The following RRN3 variants were observed in gnomAD, a reference collection of about 807,000 sequenced individuals.
The protein encoded by RRN3 is RNA polymerase I-specific transcription initiation factor RRN3.
Under a neutral mutation model 82.3 loss-of-function variants are expected in RRN3, and 38 were observed. The ratio of observed to expected loss-of-function variants is 0.46; its 90% CI spans 0.36 to 0.61. The LOEUF is 0.61. Among genes scored for constraint, RRN3 ranks in the 20% least tolerant of loss-of-function variants. The pLI is 0.00. For synonymous variants in RRN3, 284 were observed against 284.3 expected (o/e 1.00, Z 0.01); for missense variants, 726 against 793.1 (o/e 0.92, Z 1.02).
At chr16:15,085,549 C>T in intron 6 of RRN3, 90 bp downstream of exon 6, 1 of 1,561,142 alleles carries the variant, frequency 6.4e-7, no homozygotes, top group Non-Finnish European at 8.7e-7. Flanking sequence ...AACTCTTGGC[C>T]TCAAGTGATC....
chr16:15,083,196 C>G (rs143705519), intron 8 of RRN3, among the ~76,000 whole-genome samples: 30 of 152,194 alleles, frequency 2.0e-4, no homozygotes, highest in African/African-American at 6.5e-4. Context: ...GTCAGGCGTT[C>G]GATACCAGTG....
intron 15 of RRN3, among the ~76,000 whole-genome samples, chr16:15,065,867 G>C (rs2044947924): frequency 6.6e-6 from 1 of 152,230 alleles, no homozygotes; most frequent in Non-Finnish European, 1.5e-5. Flanking sequence ...CTGAAGGAGG[G>C]ACACGGGGTT....
At chr16:15,088,267 G>C (rs1156724076) in intron 3 of RRN3, among the ~76,000 whole-genome samples, 3 of 152,174 alleles carry the variant, frequency 2.0e-5, no homozygotes, top group African/African-American at 2.4e-5. Flanking sequence ...CTTGAGCCCA[G>C]GAATTTGAGA....
chr16:15,074,180 G>A (rs1420826828), intron 11 of RRN3, among the ~76,000 whole-genome samples: 3 of 152,100 alleles, frequency 2.0e-5, no homozygotes, highest in Non-Finnish European at 2.9e-5. Context: ...CAGCAAGACC[G>A]TTAAAACAGT....
At chr16:15,083,913 T>C (rs1416173282) in intron 7 of RRN3, among the ~76,000 whole-genome samples, 2 of 152,098 alleles carry the variant, frequency 1.3e-5, no homozygotes, top group African/African-American at 4.8e-5. Context: ...ACGGGGTTTC[T>C]CCATGTTGGT....
intron 7 of RRN3, among the ~76,000 whole-genome samples, chr16:15,083,996 G>A (rs1423242448): frequency 1.3e-5 from 2 of 152,200 alleles, no homozygotes; most frequent in Non-Finnish European, 2.9e-5. Context: ...GATTACAGGC[G>A]TGAGCCACCG....
At position 15,065,267 on chromosome 16, in the gene RRN3, G is replaced by C; in HGVS notation, c.1658C>G (p.Thr553Arg). The C allele has an allele frequency of 1.2e-6, 2 of 1,613,834 alleles. No homozygotes were observed. The highest frequency in any genetic ancestry group is 1.1e-5 in the South Asian group (1 of 91,070). ...GGGGAAGAAGGTGTCCAGCGGGTTTGTGCAGATCTGCACTGAGTCTCCTCC... is the reference window on the plus strand; with the variant it reads ...GGGGAAGAAGGTGTCCAGCGGGTTTCTGCAGATCTGCACTGAGTCTCCTCC... The part of the protein sequence containing the change: ...TAGGDSVQIC[T>R]NPLDTFFPFD... Residue 553 changes from threonine to arginine, a missense_variant, in exon 16 of 18, where the codon ACA becomes AGA. By Grantham distance (71) the Thr-to-Arg change is moderately conservative. Transcript: ENST00000198767.
chr16:15,060,259 C>T lies in RRN3; in HGVS notation c.*1485G>A. On this transcript the variant is annotated 3_prime_UTR_variant, in exon 18 of 18. Coordinates refer to ENST00000198767, the MANE Select transcript of RRN3 (RefSeq NM_018427.5). ...GTTTTATCTAATATTAAAAAATCAACATTTTGCCAGCAGTTAAAAAGACAA... is the reference window on the plus strand; with the variant it reads ...GTTTTATCTAATATTAAAAAATCAATATTTTGCCAGCAGTTAAAAAGACAA... 3.1e-6 allele frequency: 1 copy of T among 325,946 alleles called. No homozygotes were observed. Among genetic ancestry groups the T allele is most frequent in the South Asian group, 2.5e-5 (1 of 40,280 alleles). The allele number at this position is 325,946 out of a possible 1,614,324, so 20.2% of individuals were successfully genotyped here.
chr16:15,092,470 C>T (rs1025810106), intron 2 of RRN3, 39 bp downstream of exon 2: 15 of 1,336,044 alleles, frequency 1.1e-5, no homozygotes, highest in African/African-American at 1.4e-5. Context: ...TGTATTCTGA[C>T]CTAACCAAAA....
chr16:15,070,369 TTAAA>T, intron 13 of RRN3, 115 bp from the exon 14 acceptor site: 1 of 698,468 alleles, frequency 1.4e-6, no homozygotes, highest in Non-Finnish European at 2.4e-6. Context: ...ATAGGTTTCT[TTAAA>T]TAATACCCAT....
intron 2 of RRN3, among the ~76,000 whole-genome samples, chr16:15,091,972 T>C (rs1475508903): frequency 6.6e-6 from 1 of 151,972 alleles, no homozygotes; most frequent in African/African-American, 2.4e-5. Flanking sequence ...AGGTCAGGAG[T>C]TCGAGACCAG....
At chr16:15,067,020 C>G (rs972169028) in intron 15 of RRN3, among the ~76,000 whole-genome samples, 1 of 148,984 alleles carries the variant, frequency 6.7e-6, no homozygotes, top group Admixed American at 6.8e-5. Flanking sequence ...CATCCTCACT[C>G]TTTGAGCTGC....
Position 15,061,705 on chromosome 16 carries a change from G to T in RRN3, c.*39C>A. The T allele has an allele frequency of 1.3e-6, 2 of 1,584,006 alleles. No homozygotes were observed. Among genetic ancestry groups the T allele is most frequent in the Non-Finnish European group, 1.7e-6 (2 of 1,156,212 alleles). On this transcript the variant is annotated 3_prime_UTR_variant, in exon 18 of 18. Transcript: ENST00000198767. The stretch of plus-strand genomic sequence containing the variant: ...TGCTGAGGGCATGACAAGTGATGGG[G>T]AATCCCAAATGTCACATCTCAGTCA...
chr16:15,091,547 C>T (rs1398425634), intron 2 of RRN3, among the ~76,000 whole-genome samples, 176 bp from the exon 3 acceptor site: 1 of 151,514 alleles, frequency 6.6e-6, no homozygotes, highest in Non-Finnish European at 1.5e-5. Context: ...CATGTTAGTG[C>T]AGCCAGAGGG....
At position 15,065,329 on chromosome 16, in the gene RRN3, G is replaced by C; in HGVS notation, c.1596C>G (p.Asn532Lys). 2.5e-6 allele frequency: 4 copies of C among 1,613,744 alleles called. No homozygotes were observed. Among genetic ancestry groups the C allele is most frequent in the Non-Finnish European group, 3.4e-6 (4 of 1,179,732 alleles). ...TAATGACTGGCAGCATCTGGCGATT[G>C]TTCCTCTCAATGATGGTGTAGCAGA... Reference protein sequence around the residue: ...LVFCYTIIERNNRQMLPVIRS... With the variant: ...LVFCYTIIERKNRQMLPVIRS... The change falls in exon 16 of 18, where the codon AAC becomes AAG. Residue 532 changes from asparagine to lysine, a missense_variant. By Grantham distance (94) the Asn-to-Lys change is moderately conservative. This residue lies in a region of RRN3 where 166 missense variants were observed against 154.8 expected (regional missense o/e 1.07). Coordinates refer to ENST00000198767, the MANE Select transcript of RRN3 (RefSeq NM_018427.5).
chr16:15,088,708 A>C (rs1240876429), intron 3 of RRN3, among the ~76,000 whole-genome samples: 1 of 152,122 alleles, frequency 6.6e-6, no homozygotes, highest in Non-Finnish European at 1.5e-5. Context: ...TTACAGAAGG[A>C]AAAGTATGTT....
At position 15,074,833 on chromosome 16, in the gene RRN3, G is replaced by T. The variant is rs1196611169; in HGVS notation, c.887C>A (p.Thr296Lys). The T allele has an allele frequency of 6.2e-7, 1 of 1,612,134 alleles. No homozygotes were observed. Among genetic ancestry groups the T allele is most frequent in the Admixed American group, 1.7e-5 (1 of 59,598 alleles). ...GTCGAGCCGTTCAGGACCAGCCTTT[G>T]TTTCATGTTCAGTTTCTTCATCTTC... is the stretch of plus-strand genomic sequence containing the variant. The part of the protein sequence containing the change: ...MDEDEETEHE[T>K]KAGPERLDQM... The change falls in exon 11 of 18, where the codon ACA becomes AAA. Residue 296 changes from threonine to lysine, a missense_variant. Thr to Lys is a moderately conservative substitution (Grantham distance 78, BLOSUM62 -1). Coordinates refer to ENST00000198767, the MANE Select transcript of RRN3 (RefSeq NM_018427.5).
At chr16:15,071,808 G>A (rs2045243573) in intron 12 of RRN3, among the ~76,000 whole-genome samples, 1 of 151,990 alleles carries the variant, frequency 6.6e-6, no homozygotes, top group Admixed American at 6.6e-5. Flanking sequence ...ATTCAACCTG[G>A]GAGGTACAAA....
At chr16:15,065,018 T>C (rs1187000982) in intron 16 of RRN3, among the ~76,000 whole-genome samples, 2 of 151,912 alleles carry the variant, frequency 1.3e-5, no homozygotes, top group African/African-American at 4.8e-5. Context: ...TACAAAAAAT[T>C]AGCCAGGCGT....
Sources: allele counts gnomAD v4.1 joint callset (sites outside exome capture counted in the v4.1 genomes callset), GRCh38; gene constraint gnomAD v4.1.1; regional missense constraint gnomAD v4.1.1; transcripts MANE v1.5; gene names NCBI Gene and HGNC (gene_info 2026-07-23, HGNC 2026-07-21).